The following CTLA4 variants were observed in gnomAD, a reference collection of about 807,000 sequenced individuals.
CTLA4 encodes cytotoxic T-lymphocyte associated protein 4.
In CTLA4, 3 loss-of-function variants were observed where a neutral mutation model predicts 20.4. The observed-to-expected ratio is 0.15, with a 90% confidence interval of 0.07 to 0.38. CTLA4 has a LOEUF of 0.38. Among genes scored for constraint, CTLA4 ranks in the 10% least tolerant of loss-of-function variants. The probability of loss-of-function intolerance (pLI) is 1.00; values close to 1 mark genes in which losing one functional copy is unlikely to be tolerated. For missense variants in CTLA4, 184 were observed against 276.8 expected (o/e 0.66, Z 2.38); for synonymous variants, 100 against 105.2 (o/e 0.95, Z 0.30).
chr2:203,868,066 T>C lies in CTLA4; in HGVS notation c.109+15T>C. On this transcript the variant is annotated intron_variant, in intron 1 of 3. Coordinates refer to ENST00000648405, the MANE Select transcript of CTLA4 (RefSeq NM_005214.5). ...CTTCTGCAAAGGTGAGTGAGACTTT[T>C]GGAGCATGAAGATGGAGGAGGTGTT... 1 of 1,586,042 alleles carries C rather than the reference T, an allele frequency of 6.3e-7. No homozygotes were observed. The highest frequency in any genetic ancestry group is 8.7e-7 in the Non-Finnish European group (1 of 1,154,474).
intron 1 of CTLA4, among the ~76,000 whole-genome samples, chr2:203,868,421 T>C (rs1387655034): frequency 6.6e-6 from 1 of 152,172 alleles, no homozygotes; most frequent in Non-Finnish European, 1.5e-5. Flanking sequence ...AGCTCACAAG[T>C]TCCTTTAAAA....
chr2:203,869,045 A>G (rs1218617859), intron 1 of CTLA4, among the ~76,000 whole-genome samples: 2 of 152,270 alleles, frequency 1.3e-5, no homozygotes, highest in African/African-American at 4.8e-5. Context: ...CTCAACCAGT[A>G]ACAGGACCCT....
rs1347670398 is a variant in CTLA4 at position 203,870,687 on chromosome 2, G to T, written c.211G>T (p.Val71Leu). The T allele has an allele frequency of 4.3e-6, 7 of 1,614,116 alleles. No homozygotes were observed. Among genetic ancestry groups the T allele is most frequent in the Non-Finnish European group, 5.9e-6 (7 of 1,180,046 alleles). ...ASPGKATEVRVTVLRQADSQV... is the reference protein window; with the variant it reads ...ASPGKATEVRLTVLRQADSQV... ...TCCAGGCAAAGCCACTGAGGTCCGG[G>T]TGACAGTGCTTCGGCAGGCTGACAG... is the stretch of plus-strand genomic sequence containing the variant. The change falls in exon 2 of 4, where the codon GTG (valine) becomes TTG (leucine). Residue 71 changes from valine (V) to leucine (L), a missense_variant. Physicochemically the swap from Val to Leu is conservative, Grantham distance 32. Coordinates refer to ENST00000648405, the MANE Select transcript of CTLA4 (RefSeq NM_005214.5). The surrounding 1 kb of genome is among the most constrained non-coding windows in gnomAD (Gnocchi z 5.3).
Position 203,870,410 on chromosome 2 carries a change from C to G in CTLA4, c.110-176C>G. On this transcript the variant is annotated intron_variant, in intron 1 of 3. Coordinates refer to ENST00000648405, the MANE Select transcript of CTLA4 (RefSeq NM_005214.5). The surrounding 1 kb of genome is among the most constrained non-coding windows in gnomAD (Gnocchi z 5.3). ...ATCTTTATGGAGAGTAGCTGGAAAA[C>G]AGTTGAGAGATGGAGGGGAGGCTGG... is the stretch of plus-strand genomic sequence containing the variant. The G allele has an allele frequency of 1.7e-6, 1 of 592,846 alleles. No individual in the cohort carries two copies. The highest frequency in any genetic ancestry group is 2.9e-6 in the Non-Finnish European group (1 of 347,872). The allele number at this position is 592,846 out of a possible 1,614,324, so 36.7% of individuals were successfully genotyped here.
rs1553657429 is a variant in CTLA4 at position 203,870,886 on chromosome 2, C to T, written c.410C>T (p.Pro137Leu). 6.2e-7 allele frequency: 1 copy of T among 1,614,162 alleles called. No individual in the cohort carries two copies. The highest frequency in any genetic ancestry group is 8.5e-7 in the Non-Finnish European group (1 of 1,180,014). The change falls in exon 2 of 4, where the codon CCG (proline) becomes CTG (leucine). Residue 137 changes from proline to leucine, a missense_variant. Coordinates refer to ENST00000648405, the MANE Select transcript of CTLA4 (RefSeq NM_005214.5). This position sits in a 1 kb window ranked among gnomAD's most constrained non-coding sequence, Gnocchi z 5.3. ...TGCAAGGTGGAGCTCATGTACCCAC[C>T]GCCATACTACCTGGGCATAGGCAAC... Reference protein sequence around the residue: ...YICKVELMYPPPYYLGIGNGT... With the variant: ...YICKVELMYPLPYYLGIGNGT...
chr2:203,870,499 A>G lies in CTLA4; in HGVS notation c.110-87A>G. ...GAAGGGGGGAGAAAAGGCCGTGGGG[A>G]TGAAGCTAGAAGGCAGAAGGGCTTG... is the stretch of plus-strand genomic sequence containing the variant. On this transcript the variant is annotated intron_variant, in intron 1 of 3. Coordinates refer to ENST00000648405, the MANE Select transcript of CTLA4 (RefSeq NM_005214.5). This position sits in a 1 kb window ranked among gnomAD's most constrained non-coding sequence, Gnocchi z 5.3. 2 of 1,438,374 alleles carry G rather than the reference A, an allele frequency of 1.4e-6. No homozygotes were observed. The allele number at this position is 1,438,374 out of a possible 1,614,324, so 89.1% of individuals were successfully genotyped here.
rs948322282 is a variant in CTLA4, at chr2:203,873,807, G to A, written c.*995G>A. On this transcript the variant is annotated 3_prime_UTR_variant, in exon 4 of 4. Transcript: ENST00000648405. ...CAATTCTTACAAACATGTGGTTAAT[G>A]CCATGGACAGAAGAAGGCAGCAGGT... 4 of 228,962 alleles carry A rather than the reference G, an allele frequency of 1.7e-5. No individual in the cohort carries two copies. The highest frequency in any genetic ancestry group is 3.5e-5 in the Non-Finnish European group (4 of 115,220). The allele number at this position is 228,962 out of a possible 1,614,324, so 14.2% of individuals were successfully genotyped here. A position where few individuals can be genotyped will look rare whatever the true frequency, so the allele number is the denominator to read the frequency against.
rs1559592827 is a variant in CTLA4 at position 203,873,359 on chromosome 2, TA to T, written c.*548del. 25 of 56,252 alleles carry T rather than the reference TA, an allele frequency of 4.4e-4. No individual in the cohort carries two copies. The highest frequency in any genetic ancestry group is 1.4e-3 in the South Asian group (1 of 704). The allele number at this position is 56,252 out of a possible 1,614,324, so 3.5% of individuals were successfully genotyped here. On this transcript the variant is annotated 3_prime_UTR_variant, in exon 4 of 4. Transcript: ENST00000648405. ...ATATATATATATATATATATATATA[TA>T]TATATATATATATATATATATATTT...
In CTLA4 at chr2:203,870,483, A is replaced by G. The variant is rs1215951250; in HGVS notation, c.110-103A>G. ...AAGTGATAGATTCGTTGAAGGGGGGAGAAAAGGCCGTGGGGATGAAGCTAG... is the reference window on the plus strand; with the variant it reads ...AAGTGATAGATTCGTTGAAGGGGGGGGAAAAGGCCGTGGGGATGAAGCTAG... On this transcript the variant is annotated intron_variant, in intron 1 of 3. Transcript: ENST00000648405. This position sits in a 1 kb window ranked among gnomAD's most constrained non-coding sequence, Gnocchi z 5.3. 2.9e-5 allele frequency: 36 copies of G among 1,247,824 alleles called. No individual in the cohort carries two copies. Among genetic ancestry groups the G allele is most frequent in the Non-Finnish European group, 4.0e-5 (36 of 892,052 alleles). The allele number at this position is 1,247,824 out of a possible 1,614,324, so 77.3% of individuals were successfully genotyped here. A position where few individuals can be genotyped will look rare whatever the true frequency, so the allele number is the denominator to read the frequency against.
At position 203,870,352 on chromosome 2, in the gene CTLA4, C is replaced by T. The variant is rs1478148939; in HGVS notation, c.110-234C>T. On this transcript the variant is annotated intron_variant, in intron 1 of 3. Transcript: ENST00000648405. This position sits in a 1 kb window ranked among gnomAD's most constrained non-coding sequence, Gnocchi z 5.3. ...ATATCAGTGTTCTTCCTGCCACAAC[C>T]ATCTTGAAGAATCTATTTCTCAGTA... is the stretch of plus-strand genomic sequence containing the variant. 7 of 555,130 alleles carry T rather than the reference C, an allele frequency of 1.3e-5. No individual in the cohort carries two copies. The highest frequency in any genetic ancestry group is 5.7e-5 in the African/African-American group (3 of 52,894). The allele number at this position is 555,130 out of a possible 1,614,324, so 34.4% of individuals were successfully genotyped here.
rs1031022053 is a variant in CTLA4 at position 203,869,923 on chromosome 2, G to A, written c.110-663G>A. 3.3e-5 allele frequency among the ~76,000 whole-genome samples: 5 copies of A among 152,128 alleles called. No individual in the cohort carries two copies. The East Asian group carries it at 9.6e-4, about 29-fold the overall frequency. ...AGCAGGGTTGCCTCAACCTAGAGAG[G>A]AAGCGACCTGGTGCCCTCGGCTCTG... On this transcript the variant is annotated intron_variant, in intron 1 of 3. Coordinates refer to ENST00000648405, the MANE Select transcript of CTLA4 (RefSeq NM_005214.5).
At position 203,871,404 on chromosome 2, in the gene CTLA4, T is replaced by G; in HGVS notation, c.484T>G (p.Phe162Val). 1.2e-6 allele frequency: 2 copies of G among 1,614,228 alleles called. No individual in the cohort carries two copies. The highest frequency in any genetic ancestry group is 1.7e-6 in the Non-Finnish European group (2 of 1,180,026). Reference protein sequence around the residue: ...IDPEPCPDSDFLLWILAAVSS... With the variant: ...IDPEPCPDSDVLLWILAAVSS... ...TCCAGAACCGTGCCCAGATTCTGACTTCCTCCTCTGGATCCTTGCAGCAGT... is the reference window on the plus strand; with the variant it reads ...TCCAGAACCGTGCCCAGATTCTGACGTCCTCCTCTGGATCCTTGCAGCAGT... The change falls in exon 3 of 4, where the codon TTC becomes GTC. Residue 162 changes from phenylalanine to valine, a missense_variant. By Grantham distance (50) the Phe-to-Val change is conservative (BLOSUM62 -1). Around this residue, in one of 3 missense-constraint regions of CTLA4, gnomAD observed 147 missense variants for 223.4 expected, o/e 0.66. Coordinates refer to ENST00000648405, the MANE Select transcript of CTLA4 (RefSeq NM_005214.5).
chr2:203,872,365 G>A (rs1373986039), intron 3 of CTLA4, among the ~76,000 whole-genome samples: 1 of 152,166 alleles, frequency 6.6e-6, no homozygotes, highest in Non-Finnish European at 1.5e-5. Context: ...TCTCAAACAG[G>A]ATAACTAAAG....
In CTLA4 at chr2:203,872,768, G is replaced by T; in HGVS notation, c.628G>T (p.Glu210Ter). ...TGTGAAAATGCCCCCAACAGAGCCA[G>T]AATGTGAAAAGCAATTTCAGCCTTA... ...VYVKMPPTEP[E>*]CEKQFQPYFI... is the part of the protein sequence containing the mutation. The change falls in exon 4 of 4, where the codon GAA (glutamate) becomes TAA (stop). Residue 210 changes from glutamate to a stop codon, truncating the protein, a stop_gained. Coordinates refer to ENST00000648405, the MANE Select transcript of CTLA4 (RefSeq NM_005214.5). LOFTEE classifies it high-confidence loss of function. 6.2e-7 allele frequency: 1 copy of T among 1,613,646 alleles called. No individual in the cohort carries two copies. The highest frequency in any genetic ancestry group is 8.5e-7 in the Non-Finnish European group (1 of 1,179,540).
chr2:203,869,942 G>A (rs112593251), intron 1 of CTLA4, among the ~76,000 whole-genome samples: 6 of 152,246 alleles, frequency 3.9e-5, no homozygotes, highest in Non-Finnish European at 5.9e-5. Flanking sequence ...TGGTGCCCTC[G>A]GCTCTGTGGC....
chr2:203,872,232 C>T (rs1423118037), intron 3 of CTLA4, among the ~76,000 whole-genome samples: 5 of 152,168 alleles, frequency 3.3e-5, no homozygotes, highest in African/African-American at 1.2e-4. Context: ...TTCTCTCTCT[C>T]TCTTTCTCCC....
chr2:203,870,257 A>C lies in CTLA4; in HGVS notation c.110-329A>C. 1 of 362,622 alleles carries C rather than the reference A, an allele frequency of 2.8e-6. No homozygotes were observed. Among genetic ancestry groups the C allele is most frequent in the Non-Finnish European group, 5.1e-6 (1 of 195,868 alleles). 22.5% of individuals were successfully genotyped at this position (362,622 alleles called of 1,614,324 possible). A position where few individuals can be genotyped will look rare whatever the true frequency, so the allele number is the denominator to read the frequency against. On this transcript the variant is annotated intron_variant, in intron 1 of 3. Transcript: ENST00000648405. The surrounding 1 kb of genome is among the most constrained non-coding windows in gnomAD (Gnocchi z 5.3). Reference sequence around the variant, plus strand: ...TCTCTTACTATATGTGAAAAAAATGAAGGACATGGGGGAAGTGTGACTTGC... The same window carrying C: ...TCTCTTACTATATGTGAAAAAAATGCAGGACATGGGGGAAGTGTGACTTGC...
chr2:203,868,124 C>A, intron 1 of CTLA4, 73 bp downstream of exon 1: 1 of 1,200,286 alleles, frequency 8.3e-7, no homozygotes, highest in Non-Finnish European at 1.2e-6. Flanking sequence ...TTTCAGCAGT[C>A]AAAGGCAGTG....
rs1688779082 is a variant in CTLA4, at chr2:203,873,674, CA to C, written c.*863del. The C allele has an allele frequency of 4.5e-6, 1 of 221,264 alleles. No homozygotes were observed. Among genetic ancestry groups the C allele is most frequent in the African/African-American group, 2.2e-5 (1 of 44,506 alleles). 13.7% of individuals were successfully genotyped at this position (221,264 alleles called of 1,614,324 possible). ...CTTTCAATGGTTTGCAAGGAAGCCA[CA>C]GCTGGTGGTATCTGAGTTGACTTGA... On this transcript the variant is annotated 3_prime_UTR_variant, in exon 4 of 4. Coordinates refer to ENST00000648405, the MANE Select transcript of CTLA4 (RefSeq NM_005214.5).
Sources: allele counts gnomAD v4.1 joint callset (sites outside exome capture counted in the v4.1 genomes callset), GRCh38; gene constraint gnomAD v4.1.1; regional missense constraint gnomAD v4.1.1; non-coding constraint Gnocchi (gnomAD v3.1); transcripts MANE v1.5; gene names NCBI Gene and HGNC (gene_info 2026-07-23, HGNC 2026-07-21).